Variants in FCRL3 observed in about 807,000 individuals in gnomAD.
FCRL3 encodes Fc receptor-like protein 3.
In FCRL3, 89 loss-of-function variants were observed where a neutral mutation model predicts 75.0. That is an observed-to-expected ratio of 1.19 (90% CI 1.00 to 1.42). The LOEUF is 1.42. Among genes scored for constraint, FCRL3 ranks in the 40% most tolerant of loss-of-function variants. FCRL3 has a pLI of 0.00. For missense variants in FCRL3, 946 were observed against 880.0 expected, an observed-to-expected ratio of 1.07 and a Z score of -0.95; for synonymous variants, 376 against 348.5, an observed-to-expected ratio of 1.08 and a Z score of -0.88.
At chr1:157,684,550 T>C (rs1039697218) in intron 10 of FCRL3, among the ~76,000 whole-genome samples, 3 of 152,160 alleles carry the variant, frequency 2.0e-5, no homozygotes, top group Non-Finnish European at 4.4e-5. Context: ...TATCTCCTTA[T>C]CTGTAAAAGA....
Position 157,697,441 on chromosome 1 carries a change from A to C in FCRL3, c.560-17T>G, listed in dbSNP as rs745639683. 2 of 1,528,326 alleles carry C rather than the reference A, an allele frequency of 1.3e-6. No individual in the cohort carries two copies. The highest frequency in any genetic ancestry group is 2.8e-5 in the African/African-American group (2 of 71,864). 94.7% of individuals were successfully genotyped at this position (1,528,326 alleles called of 1,614,324 possible). On this transcript the variant is annotated splice_polypyrimidine_tract_variant and intron_variant, in intron 5 of 14. Transcript: ENST00000368184. ...GAAACAGCTCTAATGAAAAGAAACA[A>C]CATAGTCTCCAGGGTGGTGAGGCTC...
chr1:157,680,061 C>T (rs187591996), intron 13 of FCRL3, among the ~76,000 whole-genome samples: 8 of 152,124 alleles, frequency 5.3e-5, no homozygotes, highest in African/African-American at 1.4e-4. Flanking sequence ...TCACTGTTAC[C>T]TGATCTATGT....
intron 8 of FCRL3, among the ~76,000 whole-genome samples, chr1:157,693,226 G>A (rs1655663761): frequency 7.9e-6 from 1 of 127,328 alleles, no homozygotes; most frequent in South Asian, 2.6e-4. Context: ...AGTGAGCTGA[G>A]ATAGTGCAAC....
At position 157,687,798 on chromosome 1, in the gene FCRL3, G is replaced by A. The variant is rs568504269; in HGVS notation, c.1810+2000C>T. Among the ~76,000 whole-genome samples, 10 of 151,794 alleles carry A rather than the reference G, an allele frequency of 6.6e-5. No individual in the cohort carries two copies. The East Asian group carries it at 1.9e-3, about 30-fold the overall frequency. On this transcript the variant is annotated intron_variant, in intron 10 of 14. Coordinates refer to ENST00000368184, the MANE Select transcript of FCRL3 (RefSeq NM_052939.4). ...TGGACTACTAGATGGGGGAGATGGG[G>A]AGGAATGTGTGAGTTGAAAAACTAC...
At position 157,695,401 on chromosome 1, in the gene FCRL3, C is replaced by T; in HGVS notation, c.1339G>A (p.Gly447Arg). 6.2e-7 allele frequency: 1 copy of T among 1,614,198 alleles called. No homozygotes were observed. Among genetic ancestry groups the T allele is most frequent in the Non-Finnish European group, 8.5e-7 (1 of 1,180,018 alleles). ...FNLSLTAEHS[G>R]NYSCDADNGL... The stretch of plus-strand genomic sequence containing the variant: ...TTGTCTGCATCACAGGAGTAGTTTC[C>T]AGAATGTTCTGCAGTCAGAGAGAGG... Residue 447 changes from glycine (G) to arginine (R), a missense_variant, in exon 8 of 15, where the codon GGA becomes AGA. By Grantham distance (125) the Gly-to-Arg change is moderately radical. Transcript: ENST00000368184.
chr1:157,697,288 G>A lies in FCRL3; in HGVS notation c.696C>T (p.Ser232=). 1 of 1,612,492 alleles carries A rather than the reference G, an allele frequency of 6.2e-7. No homozygotes were observed. Among genetic ancestry groups the A allele is most frequent in the Non-Finnish European group, 8.5e-7 (1 of 1,179,076 alleles). The change falls in exon 6 of 15, where the codon AGC becomes AGT. Residue 232 remains serine (S), a synonymous_variant. Transcript: ENST00000368184. Reference sequence around the variant, plus strand: ...TGCTCCAGCCCAATCCGAGGGTCTGGCTATCTCTGAAGAGGGAGAATTGCA... The same window carrying A: ...TGCTCCAGCCCAATCCGAGGGTCTGACTATCTCTGAAGAGGGAGAATTGCA... ...VQLQFSLFRD[S]QTLGLGWSRS... is the part of the protein sequence containing the mutation.
rs1350384180 is a variant in FCRL3, at chr1:157,695,701, C to T, written c.1133-94G>A. 3 of 1,379,168 alleles carry T rather than the reference C, an allele frequency of 2.2e-6. No homozygotes were observed. The African/African-American group carries it at 4.4e-5, about 20-fold the overall frequency. The allele number at this position is 1,379,168 out of a possible 1,614,324, so 85.4% of individuals were successfully genotyped here. ...CCTAGCAATGGATATGTCCCTTGTCCCTTGATTGTTTCTGTTTCCCCACTG... is the reference window on the plus strand; with the variant it reads ...CCTAGCAATGGATATGTCCCTTGTCTCTTGATTGTTTCTGTTTCCCCACTG... On this transcript the variant is annotated intron_variant, in intron 7 of 14. Transcript: ENST00000368184.
intron 8 of FCRL3, among the ~76,000 whole-genome samples, chr1:157,693,119 T>C (rs2101614797): frequency 6.6e-6 from 1 of 151,748 alleles, no homozygotes; most frequent in South Asian, 2.1e-4. Context: ...CTACTAAAAA[T>C]ACAAAATTTG....
chr1:157,690,383 G>A lies in FCRL3; in HGVS notation c.1562C>T (p.Ser521Leu), dbSNP rs759823787. 46 of 1,614,078 alleles carry A rather than the reference G, an allele frequency of 2.8e-5. No individual in the cohort carries two copies. The highest frequency in any genetic ancestry group is 5.5e-5 in the South Asian group (5 of 91,082). ...YHEDDTLGNI[S>L]AHSGGGASFN... ...GGATGCCCCTCCTCCAGAGTGGGCCGAGATGTTCCCCAAGGTGTCATCCTC... is the reference window on the plus strand; with the variant it reads ...GGATGCCCCTCCTCCAGAGTGGGCCAAGATGTTCCCCAAGGTGTCATCCTC... The change falls in exon 9 of 15, where the codon TCG (serine) becomes TTG (leucine). Residue 521 changes from serine (S) to leucine (L), a missense_variant. Physicochemically the swap from Ser to Leu is moderately radical, Grantham distance 145. Coordinates refer to ENST00000368184, the MANE Select transcript of FCRL3 (RefSeq NM_052939.4).
In FCRL3 at chr1:157,698,143, G is replaced by A. The variant is rs1040485117; in HGVS notation, c.299-224C>T. 72 of 720,070 alleles carry A rather than the reference G, an allele frequency of 1.0e-4. 2 individuals carry two copies. In the South Asian group the frequency reaches 1.4e-3, roughly 14 times the overall value. 44.6% of individuals were successfully genotyped at this position (720,070 alleles called of 1,614,324 possible). A position where few individuals can be genotyped will look rare whatever the true frequency, so the allele number is the denominator to read the frequency against. On this transcript the variant is annotated intron_variant, in intron 4 of 14. Transcript: ENST00000368184. ...TCTTCACATGTCTTTTCACAAAAGA[G>A]GAATCCCAGACTTGAACCCCTTTTT...
At chr1:157,691,565 C>T (rs1655545722) in intron 8 of FCRL3, among the ~76,000 whole-genome samples, 1 of 152,146 alleles carries the variant, frequency 6.6e-6, no homozygotes, top group African/African-American at 2.4e-5. Context: ...ATAGAGGTGC[C>T]AAGTCCTGAT....
At position 157,678,769 on chromosome 1, in the gene FCRL3, C is replaced by T. The variant is rs148789146; in HGVS notation, c.2146G>A (p.Glu716Lys). 10 of 1,614,096 alleles carry T rather than the reference C, an allele frequency of 6.2e-6. No homozygotes were observed. The East Asian group carries it at 2.2e-4, about 36-fold the overall frequency. ...TTCTCATAGTTTTCTTCATCATCTTCTTCATGGGCCCTGCCTCTGCTGCTA... is the reference window on the plus strand; with the variant it reads ...TTCTCATAGTTTTCTTCATCATCTTTTTCATGGGCCCTGCCTCTGCTGCTA... ...EASSRGRAHE[E>K]DDEENYENVP... The change falls in exon 15 of 15, where the codon GAA (glutamate) becomes AAA (lysine). Residue 716 changes from glutamate to lysine, a missense_variant. Transcript: ENST00000368184.
chr1:157,695,820 C>CATCA, intron 7 of FCRL3: 1 of 708,530 alleles, frequency 1.4e-6, no homozygotes, highest in African/African-American at 1.8e-5. Flanking sequence ...CTCAGTCTTC[C>CATCA]CCGCAAGAAG....
intron 8 of FCRL3, 39 bp from the exon 9 acceptor site, chr1:157,690,572 AG>A (rs1203381651): frequency 6.2e-7 from 1 of 1,607,444 alleles, no homozygotes; most frequent in South Asian, 1.1e-5. Flanking sequence ...GTTTTACTTA[AG>A]TAGGTATACA....
chr1:157,695,591 A>G lies in FCRL3; in HGVS notation c.1149T>C (p.Pro383=), dbSNP rs142112483. 6.2e-5 allele frequency: 100 copies of G among 1,607,800 alleles called. 1 individual carries two copies. The African/African-American group carries it at 7.6e-4, about 12-fold the overall frequency. ...RVTVRIPVSH[P]VLTFRAPRAH... Reference sequence around the variant, plus strand: ...CCCTGGGAGCCCTGAAGGTGAGGACAGGGTGAGATACCGGAACTGAAGGAG... The same window carrying G: ...CCCTGGGAGCCCTGAAGGTGAGGACGGGGTGAGATACCGGAACTGAAGGAG... Residue 383 remains proline, a synonymous_variant, in exon 8 of 15, where the codon CCT becomes CCC. Transcript: ENST00000368184.
At chr1:157,688,184 G>A (rs1434346378) in intron 10 of FCRL3, among the ~76,000 whole-genome samples, 1 of 151,992 alleles carries the variant, frequency 6.6e-6, no homozygotes, top group African/African-American at 2.4e-5. Flanking sequence ...AGAATTAGCT[G>A]CATGCTATCT....
chr1:157,696,820 A>C (rs1230541721), intron 6 of FCRL3: 12 of 243,182 alleles, frequency 4.9e-5, no homozygotes, highest in Non-Finnish European at 2.4e-5. Flanking sequence ...AAATGGAAGC[A>C]CCACAGGGGC....
intron 10 of FCRL3, among the ~76,000 whole-genome samples, chr1:157,683,472 T>G (rs968419281): frequency 6.6e-6 from 1 of 152,192 alleles, no homozygotes; most frequent in Non-Finnish European, 1.5e-5. Flanking sequence ...TGAATCATTT[T>G]TCAATCAGTA....
At position 157,696,210 on chromosome 1, in the gene FCRL3, G is replaced by A. The variant is rs1330611055; in HGVS notation, c.962C>T (p.Ser321Phe). The stretch of plus-strand genomic sequence containing the variant: ...TCTTACTCTTCCTTCTTTGTGCCAG[G>A]AGAATGTGACAGTCCCTGAACCCTG... ...VAQGSGTVTF[S>F]WHKEGRVRSL... is the part of the protein sequence containing the mutation. Residue 321 changes from serine to phenylalanine, a missense_variant, in exon 7 of 15, where the codon TCC becomes TTC. By Grantham distance (155) the Ser-to-Phe change is radical (BLOSUM62 -2). Transcript: ENST00000368184. The A allele has an allele frequency of 1.9e-6, 3 of 1,613,860 alleles. No individual in the cohort carries two copies. The highest frequency in any genetic ancestry group is 1.7e-5 in the Admixed American group (1 of 59,996).
Sources: allele counts gnomAD v4.1 joint callset (sites outside exome capture counted in the v4.1 genomes callset), GRCh38; gene constraint gnomAD v4.1.1; transcripts MANE v1.5; gene names NCBI Gene and HGNC (gene_info 2026-07-23, HGNC 2026-07-21).